COL5A1: variants seen among roughly 807,000 people sequenced by gnomAD.
COL5A1 encodes collagen type V alpha 1 chain.
Under a neutral mutation model 263.7 loss-of-function variants are expected in COL5A1, and 16 were observed. That is an observed-to-expected ratio of 0.06 (90% confidence interval 0.04 to 0.09). The LOEUF (loss-of-function observed/expected upper bound fraction) is 0.09. Ranked by LOEUF, COL5A1 falls within the 10% of genes least tolerant of loss-of-function variation. The pLI is 1.00. For synonymous variants in COL5A1, 1,012 were observed against 1,004.5 expected (o/e 1.01, Z -0.14); for missense variants, 2,036 against 2,540.5 (o/e 0.80, Z 4.27).
chr9:134,701,050 C>T (rs373948095), intron 3 of COL5A1, 121 bp from the exon 4 acceptor site: 80 of 1,006,824 alleles, frequency 7.9e-5, no homozygotes, highest in African/African-American at 5.8e-4. Context: ...TGATCTGCTC[C>T]GCCCCACCAC....
At chr9:134,721,185 C>G (rs912064541) in intron 4 of COL5A1, among the ~76,000 whole-genome samples, 1 of 152,078 alleles carries the variant, frequency 6.6e-6, no homozygotes, top group Non-Finnish European at 1.5e-5. Flanking sequence ...GTGGCCCTCA[C>G]TGTCTCCATC....
chr9:134,788,889 TG>T (rs1837568859), intron 31 of COL5A1, among the ~76,000 whole-genome samples: 1 of 5,352 alleles, frequency 1.9e-4, no homozygotes, highest in Non-Finnish European at 3.6e-4. Context: ...GATGAATGGG[TG>T]GGTGGGTGGG....
intron 59 of COL5A1, 148 bp from the exon 60 acceptor site, chr9:134,822,850 C>G: frequency 2.1e-6 from 2 of 945,972 alleles, no homozygotes; most frequent in Non-Finnish European, 3.3e-6. Context: ...TCCTCCCACT[C>G]TAGCCGGGCA....
intron 27 of COL5A1, among the ~76,000 whole-genome samples, chr9:134,775,471 G>T (rs1837019770): frequency 6.6e-6 from 1 of 152,198 alleles, no homozygotes; most frequent in African/African-American, 2.4e-5. Context: ...TGCCATGACG[G>T]GCTCTGACAA....
At chr9:134,689,659 C>T (rs1209007379) in intron 1 of COL5A1, among the ~76,000 whole-genome samples, 1 of 152,168 alleles carries the variant, frequency 6.6e-6, no homozygotes, top group East Asian at 1.9e-4. Context: ...GAAAAAAGCC[C>T]CAGGACGGAG....
At position 134,805,014 on chromosome 9, in the gene COL5A1, C is replaced by T. The variant is rs1372739844; in HGVS notation, c.3154C>T (p.Pro1052Ser). 1.9e-6 allele frequency: 3 copies of T among 1,613,818 alleles called. No individual in the cohort carries two copies. The highest frequency in any genetic ancestry group is 2.2e-5 in the East Asian group (1 of 44,886). ...GPAGLPGKDGPPGLRGFPGDR... is the reference protein window; with the variant it reads ...GPAGLPGKDGSPGLRGFPGDR... ...TGCAGGCCTCCCTGGGAAAGATGGC[C>T]CTCCAGGATTACGTGGTTTCCCTGG... is the stretch of plus-strand genomic sequence containing the variant. Residue 1052 changes from proline to serine, a missense_variant, in exon 40 of 66, where the codon CCT (proline) becomes TCT (serine). This residue lies in a region of COL5A1 where 1,078 missense variants were observed against 1,521.4 expected (regional missense o/e 0.71). Transcript: ENST00000371817.
chr9:134,702,933 T>C (rs1833721853), intron 4 of COL5A1, among the ~76,000 whole-genome samples: 2 of 152,238 alleles, frequency 1.3e-5, no homozygotes, highest in African/African-American at 4.8e-5. Flanking sequence ...CTGTCTCCCT[T>C]ATAGGAAGCC....
intron 7 of COL5A1, 145 bp from the exon 8 acceptor site, chr9:134,731,351 T>C (rs1465845191): frequency 2.4e-6 from 2 of 835,594 alleles, no homozygotes; most frequent in African/African-American, 3.3e-5. Flanking sequence ...GTTGACCGGG[T>C]AGCCATGGTG....
At chr9:134,828,436 CCA>C (rs59261059) in intron 63 of COL5A1, among the ~76,000 whole-genome samples, 92,161 of 150,702 alleles carry the variant, frequency 0.61, 28,472 homozygotes, top group South Asian at 0.78. Context: ...GAAGGTTCTA[CCA>C]CACACACACA....
At position 134,786,044 on chromosome 9, in the gene COL5A1, C is replaced by G; in HGVS notation, c.2642C>G (p.Pro881Arg). ...CCAGGGTATCCAGGAAGACAAGGAC[C>G]AAAGGTAACTTCTGGCCGTGTTAGG... ...GLPGYPGRQG[P>R]KGSIGFPGFP... is the part of the protein sequence containing the mutation. Residue 881 changes from proline (P) to arginine (R), a missense_variant, in exon 31 of 66, where the codon CCA (proline) becomes CGA (arginine). Around this residue, in one of 3 missense-constraint regions of COL5A1, gnomAD observed 1,078 missense variants for 1,521.4 expected, o/e 0.71. Coordinates refer to ENST00000371817, the MANE Select transcript of COL5A1 (RefSeq NM_000093.5). 6.2e-7 allele frequency: 1 copy of G among 1,612,508 alleles called. No individual in the cohort carries two copies. Among genetic ancestry groups the G allele is most frequent in the Non-Finnish European group, 8.5e-7 (1 of 1,179,398 alleles).
chr9:134,764,351 T>G (rs1836582031), intron 20 of COL5A1, among the ~76,000 whole-genome samples: 1 of 107,268 alleles, frequency 9.3e-6, no homozygotes. Context: ...TTCAAGGGCA[T>G]TGTGGGGGAT....
intron 52 of COL5A1, 121 bp downstream of exon 52, chr9:134,816,109 A>T (rs1005532846): frequency 3.4e-6 from 3 of 887,684 alleles, no homozygotes; most frequent in Non-Finnish European, 5.7e-6. Flanking sequence ...TTCCTTTATG[A>T]TATCGATTCC....
At chr9:134,651,156 C>G (rs117377395) in intron 1 of COL5A1, among the ~76,000 whole-genome samples, 2 of 152,224 alleles carry the variant, frequency 1.3e-5, no homozygotes, top group Non-Finnish European at 2.9e-5. Flanking sequence ...GCCTCTGCCT[C>G]GGTTTCTTCT....
intron 1 of COL5A1, among the ~76,000 whole-genome samples, chr9:134,685,864 T>A (rs2132541972): frequency 1.4e-5 from 2 of 139,554 alleles, no homozygotes; most frequent in South Asian, 2.4e-4. Flanking sequence ...CATCCATCCA[T>A]CGTCCATCAT....
chr9:134,642,252 C>G lies in COL5A1; in HGVS notation c.65C>G (p.Pro22Arg), dbSNP rs863223467. ...CGCCCGGGCGCCCCGCTGCTGCCCC[C>G]GCTGCTGCTGCTGCTGCTGTGGGCG... ...ALRPGAPLLP[P>R]LLLLLLWAPP... Residue 22 changes from proline to arginine, a missense_variant, in exon 1 of 66, where the codon CCG becomes CGG. Around this residue, in one of 3 missense-constraint regions of COL5A1, gnomAD observed 600 missense variants for 634.5 expected, o/e 0.95. Transcript: ENST00000371817. The surrounding 1 kb of genome is among the most constrained non-coding windows in gnomAD (Gnocchi z 4.5). The G allele has an allele frequency of 8.7e-6, 11 of 1,270,220 alleles. No individual in the cohort carries two copies. The Admixed American group carries it at 2.9e-4, about 33-fold the overall frequency. The allele number at this position is 1,270,220 out of a possible 1,614,324, so 78.7% of individuals were successfully genotyped here.
Position 134,700,085 on chromosome 9 carries a change from T to C in COL5A1, c.454T>C (p.Tyr152His). The C allele has an allele frequency of 6.2e-7, 1 of 1,610,624 alleles. No homozygotes were observed. The highest frequency in any genetic ancestry group is 8.5e-7 in the Non-Finnish European group (1 of 1,180,004). The change falls in exon 3 of 66, where the codon TAC becomes CAC. Residue 152 changes from tyrosine to histidine, a missense_variant. Tyr to His is a moderately conservative substitution (Grantham distance 83). Transcript: ENST00000371817. The surrounding 1 kb of genome is among the most constrained non-coding windows in gnomAD (Gnocchi z 4.0). Reference protein sequence around the residue: ...DHTGKPGPEDYPLFRGINLSD... With the variant: ...DHTGKPGPEDHPLFRGINLSD... ...CACGGGGAAGCCTGGCCCGGAAGAC[T>C]ACCCCCTCTTCCGGGGCATCAACCT...
chr9:134,816,439 G>A (rs553812548), intron 52 of COL5A1, among the ~76,000 whole-genome samples: 2 of 152,382 alleles, frequency 1.3e-5, no homozygotes, highest in African/African-American at 2.4e-5. Context: ...TTTCTGGGAC[G>A]GATCGACCCC....
intron 21 of COL5A1, among the ~76,000 whole-genome samples, 174 bp from the exon 22 acceptor site, chr9:134,766,280 G>GT (rs1836661058): frequency 6.6e-6 from 1 of 152,208 alleles, no homozygotes; most frequent in Non-Finnish European, 1.5e-5. Flanking sequence ...GGGCTGATCA[G>GT]TGGACCTCTG....
intron 34 of COL5A1, among the ~76,000 whole-genome samples, chr9:134,795,846 G>A (rs1203830977): frequency 1.3e-5 from 2 of 152,236 alleles, no homozygotes; most frequent in Admixed American, 1.3e-4. Flanking sequence ...CCACTCCAGA[G>A]CGGGTTCCTG....
Sources: allele counts gnomAD v4.1 joint callset (sites outside exome capture counted in the v4.1 genomes callset), GRCh38; gene constraint gnomAD v4.1.1; regional missense constraint gnomAD v4.1.1; non-coding constraint Gnocchi (gnomAD v3.1); transcripts MANE v1.5; gene names NCBI Gene and HGNC (gene_info 2026-07-23, HGNC 2026-07-21).